RTL4: variants seen among roughly 807,000 people sequenced by gnomAD.
The protein encoded by RTL4 is retrotransposon Gag like 4, also known as retrotransposon Gag-like protein 4.
RTL4 carries 4 observed loss-of-function variants against 5.3 expected under a neutral mutation model. The ratio of observed to expected loss-of-function variants is 0.75; its 90% CI spans 0.37 to 1.72. RTL4 has a LOEUF of 1.72. Ranked by LOEUF, RTL4 falls within the 40% of genes most tolerant of loss-of-function variation. The probability of loss-of-function intolerance (pLI) is 0.04; values close to 1 mark genes in which losing one functional copy is unlikely to be tolerated. For missense variants in RTL4, 260 were observed against 227.1 expected (o/e 1.14, Z -0.93); for synonymous variants, 98 against 87.3 (o/e 1.12, Z -0.68).
chrX:112,341,635 G>A, the RTL4 span, among the ~76,000 whole-genome samples: 12 of 111,562 alleles, frequency 1.1e-4, no homozygotes, highest in Admixed American at 1.9e-4. Flanking sequence ...GAAAATGACT[G>A]GAAGAAGTTA....
the RTL4 span, among the ~76,000 whole-genome samples, chrX:112,160,357 C>A: frequency 8.9e-6 from 1 of 111,947 alleles, no homozygotes; most frequent in African/African-American, 3.2e-5. Flanking sequence ...CTTGTCTCTG[C>A]AAGTAACTTA....
the RTL4 span, among the ~76,000 whole-genome samples, chrX:112,149,759 C>T: frequency 1.8e-5 from 2 of 111,867 alleles, no homozygotes; most frequent in African/African-American, 6.5e-5. Flanking sequence ...GTGTTTCTGC[C>T]TTCATATGGA....
chrX:112,174,417 T>G, the RTL4 span, among the ~76,000 whole-genome samples: 5 of 102,301 alleles, frequency 4.9e-5, no homozygotes, highest in African/African-American at 1.8e-4. Flanking sequence ...GAACTCATCA[T>G]TTTTTATGGC....
the RTL4 span, among the ~76,000 whole-genome samples, chrX:112,302,446 G>A: frequency 1.6e-4 from 18 of 111,147 alleles, no homozygotes; most frequent in South Asian, 3.8e-4. Flanking sequence ...AGATTTAGGC[G>A]GTAAATTGCT....
chrX:112,125,786 G>A, the RTL4 span, among the ~76,000 whole-genome samples: 17,882 of 111,141 alleles, frequency 0.16, 2,156 homozygotes, highest in African/African-American at 0.42. Context: ...TGTATAAAAT[G>A]CTGTTTAAAA....
the RTL4 span, among the ~76,000 whole-genome samples, chrX:112,176,085 A>G: frequency 9.0e-6 from 1 of 110,923 alleles, no homozygotes; most frequent in East Asian, 2.8e-4. Flanking sequence ...TACACCAATA[A>G]CAGACAAACA....
the RTL4 span, among the ~76,000 whole-genome samples, chrX:112,407,159 A>G: frequency 3.6e-5 from 4 of 110,509 alleles, no homozygotes; most frequent in Non-Finnish European, 7.5e-5. Context: ...TACCTAAGGA[A>G]CCAGCTCAGC....
chrX:112,211,722 T>C, the RTL4 span, among the ~76,000 whole-genome samples: 1 of 112,051 alleles, frequency 8.9e-6, no homozygotes, highest in African/African-American at 3.2e-5. Context: ...AGTTCCTCCC[T>C]TCCTCTTTGC....
chrX:112,156,643 G>A, the RTL4 span, among the ~76,000 whole-genome samples: 1 of 112,128 alleles, frequency 8.9e-6, no homozygotes. Flanking sequence ...CTCAGAAGCA[G>A]AGGCTGGAGT....
At chrX:112,175,566 CT>C in the RTL4 span, among the ~76,000 whole-genome samples, 1 of 108,910 alleles carries the variant, frequency 9.2e-6, no homozygotes, top group Non-Finnish European at 1.9e-5. Context: ...AATGCGGGCT[CT>C]TTTTTGGTTC....
At chrX:112,376,614 G>T in the RTL4 span, among the ~76,000 whole-genome samples, 1 of 112,315 alleles carries the variant, frequency 8.9e-6, no homozygotes, top group East Asian at 2.8e-4. Flanking sequence ...TAATTCATCA[G>T]TCTGGCCTTA....
At chrX:112,211,460 A>G in the RTL4 span, among the ~76,000 whole-genome samples, 2 of 112,343 alleles carry the variant, frequency 1.8e-5, no homozygotes, top group Non-Finnish European at 3.8e-5. Flanking sequence ...ATTTGCAACA[A>G]TGCTGCCTAG....
chrX:112,193,959 T>G, the RTL4 span, among the ~76,000 whole-genome samples: 4 of 111,757 alleles, frequency 3.6e-5, no homozygotes, highest in East Asian at 2.8e-4. Flanking sequence ...TGAGCTTCCT[T>G]AGTATTTAAT....
chrX:112,365,848 A>G, the RTL4 span, among the ~76,000 whole-genome samples: 1 of 111,114 alleles, frequency 9.0e-6, no homozygotes, highest in Admixed American at 9.5e-5. Context: ...ACTGAACTCC[A>G]GTTAGGGTCC....
the RTL4 span, among the ~76,000 whole-genome samples, chrX:112,315,960 A>C: frequency 8.9e-6 from 1 of 111,886 alleles, no homozygotes; most frequent in South Asian, 3.7e-4. Context: ...ATACTAGGAG[A>C]AGAATTGCTG....
chrX:112,339,937 A>G, the RTL4 span, among the ~76,000 whole-genome samples: 2 of 112,459 alleles, frequency 1.8e-5, no homozygotes, highest in South Asian at 7.3e-4. Context: ...GAGTGTGGCT[A>G]TGTGCCAATA....
the RTL4 span, among the ~76,000 whole-genome samples, chrX:112,407,528 C>A: frequency 1.8e-5 from 2 of 112,369 alleles, no homozygotes; most frequent in Non-Finnish European, 3.8e-5. Flanking sequence ...TGACTGCAGT[C>A]CCTGGCCCCT....
the RTL4 span, among the ~76,000 whole-genome samples, chrX:112,323,402 A>G: frequency 8.9e-6 from 1 of 111,842 alleles, no homozygotes. Flanking sequence ...GTCTTTTATC[A>G]GCATTACACA....
the RTL4 span, among the ~76,000 whole-genome samples, chrX:112,144,586 A>G: frequency 4.5e-5 from 5 of 111,794 alleles, no homozygotes; most frequent in Non-Finnish European, 7.5e-5. Flanking sequence ...CTGACTGCAC[A>G]TTGGAATCAC....
Sources: allele counts gnomAD v4.1 joint callset (sites outside exome capture counted in the v4.1 genomes callset), GRCh38; gene constraint gnomAD v4.1.1; transcripts MANE v1.5; gene names NCBI Gene and HGNC (gene_info 2026-07-23, HGNC 2026-07-21).